Variants in NR3C2 observed in about 807,000 individuals in gnomAD.
The protein encoded by NR3C2 is mineralocorticoid receptor.
A neutral mutation model predicts 86.4 loss-of-function variants in NR3C2; 15 were observed. The ratio of observed to expected loss-of-function variants is 0.17; its 90% CI spans 0.12 to 0.27. The LOEUF (loss-of-function observed/expected upper bound fraction) is 0.27, where lower values mean the gene tolerates loss of function less well. Among genes scored for constraint, NR3C2 ranks in the 10% least tolerant of loss-of-function variants. The pLI, the probability that NR3C2 is intolerant of heterozygous loss-of-function variation, is 1.00. For missense variants in NR3C2, 960 were observed against 1,195.6 expected (o/e 0.80, Z 2.91); for synonymous variants, 458 against 450.5 (o/e 1.02, Z -0.21).
At chr4:148,220,370 G>A (rs879936819) in intron 3 of NR3C2, among the ~76,000 whole-genome samples, 15 of 152,152 alleles carry the variant, frequency 9.9e-5, no homozygotes, top group Admixed American at 3.3e-4. Context: ...TTACAGGTGT[G>A]AGCCACTGCA....
chr4:148,137,002 C>A (rs1180816552), intron 6 of NR3C2, among the ~76,000 whole-genome samples: 1 of 152,068 alleles, frequency 6.6e-6, no homozygotes, highest in African/African-American at 2.4e-5. Context: ...TACTGACTGG[C>A]GAAAGGCTGG....
chr4:148,181,330 T>C (rs1735634243), intron 4 of NR3C2, among the ~76,000 whole-genome samples: 1 of 152,170 alleles, frequency 6.6e-6, no homozygotes, highest in South Asian at 2.1e-4. Context: ...AGAGGACTAA[T>C]TAGGATCCTT....
intron 2 of NR3C2, among the ~76,000 whole-genome samples, chr4:148,340,621 A>G (rs1744705278): frequency 6.6e-6 from 1 of 152,162 alleles, no homozygotes; most frequent in African/African-American, 2.4e-5. Flanking sequence ...CAACAAAAGT[A>G]AAAATACACA....
Position 148,418,952 on chromosome 4 carries a change from G to A in NR3C2, c.1757+16152C>T, listed in dbSNP as rs372498011. Among the ~76,000 whole-genome samples the A allele has an allele frequency of 3.3e-5, 5 of 152,206 alleles. No homozygotes were observed. The East Asian group carries it at 9.7e-4, about 29-fold the overall frequency. On this transcript the variant is annotated intron_variant, in intron 2 of 8. Coordinates refer to ENST00000358102, the MANE Select transcript of NR3C2 (RefSeq NM_000901.5). ...TTCTCCCATTTACCAAGATTACTCTGACTCCTGATAATATCCTCCCTAGAG... is the reference window on the plus strand; with the variant it reads ...TTCTCCCATTTACCAAGATTACTCTAACTCCTGATAATATCCTCCCTAGAG...
chr4:148,437,011 G>T, intron 1 of NR3C2, 149 bp from the exon 2 acceptor site: 1 of 685,662 alleles, frequency 1.5e-6, no homozygotes, highest in Non-Finnish European at 2.5e-6. Flanking sequence ...TTACCTTTTT[G>T]GATGCTGACA....
At chr4:148,443,222 C>CAAAAAAAAAAAAAAA (rs59506438), upstream of NR3C2, among the ~76,000 whole-genome samples, 3 of 40,976 alleles carry the variant, frequency 7.3e-5, no homozygotes, top group African/African-American at 1.3e-4. Context: ...CCCCTAACAC[C>CAAAAAAAAAAAAAAA]AAAAAAAAAA....
At chr4:148,434,726 T>G (rs1405778828) in intron 2 of NR3C2, among the ~76,000 whole-genome samples, 5 of 152,080 alleles carry the variant, frequency 3.3e-5, no homozygotes, top group Admixed American at 6.5e-5. Flanking sequence ...ATAAACTAAC[T>G]TAAAGCAATT....
chr4:148,153,703 C>T (rs1734211092), intron 5 of NR3C2, among the ~76,000 whole-genome samples: 1 of 148,474 alleles, frequency 6.7e-6, no homozygotes, highest in Non-Finnish European at 1.5e-5. Context: ...TTAAGAGGGG[C>T]CTTATTAATT....
At chr4:148,262,759 G>A (rs962764541) in intron 2 of NR3C2, among the ~76,000 whole-genome samples, 1 of 152,152 alleles carries the variant, frequency 6.6e-6, no homozygotes, top group Non-Finnish European at 1.5e-5. Flanking sequence ...ACACCTGCAT[G>A]AGGAGAACAC....
intron 3 of NR3C2, among the ~76,000 whole-genome samples, chr4:148,225,757 T>C (rs1321767490): frequency 2.6e-5 from 4 of 152,246 alleles, no homozygotes; most frequent in African/African-American, 9.6e-5. Context: ...AAAAACCACA[T>C]TCCTAAGGAA....
intron 2 of NR3C2, among the ~76,000 whole-genome samples, chr4:148,325,417 A>C (rs1743912350): frequency 6.6e-6 from 1 of 152,160 alleles, no homozygotes; most frequent in Admixed American, 6.5e-5. Context: ...TCTTTTTTTA[A>C]TCTCTAGTAC....
At chr4:148,234,545 T>C (rs1738640815) in intron 3 of NR3C2, among the ~76,000 whole-genome samples, 1 of 151,996 alleles carries the variant, frequency 6.6e-6, no homozygotes, top group Non-Finnish European at 1.5e-5. Context: ...TAGCCAGGTA[T>C]GGTGGCATGC....
chr4:148,330,233 ACACGT>A (rs1312267748), intron 2 of NR3C2, among the ~76,000 whole-genome samples: 2 of 152,200 alleles, frequency 1.3e-5, no homozygotes, highest in Non-Finnish European at 2.9e-5. Context: ...GCCCCACAAT[ACACGT>A]CAGGTTGGAA....
At position 148,436,501 on chromosome 4, in the gene NR3C2, C is replaced by T; in HGVS notation, c.360G>A (p.Glu120=). ...TCATGCTTCCTTGTTGGTTCTGCTG[C>T]TCATAGGAATAGTCAGCATCTCTTA... ...DSVRDADYSY[E]QQNQQGSMSP... The change falls in exon 2 of 9, where the codon GAG becomes GAA. Residue 120 remains glutamate (E), a synonymous_variant. Coordinates refer to ENST00000358102, the MANE Select transcript of NR3C2 (RefSeq NM_000901.5). The T allele has an allele frequency of 6.2e-7, 1 of 1,614,194 alleles. No individual in the cohort carries two copies. The highest frequency in any genetic ancestry group is 1.1e-5 in the South Asian group (1 of 91,090).
At chr4:148,200,342 C>T (rs3910051) in intron 3 of NR3C2, among the ~76,000 whole-genome samples, 62,504 of 151,492 alleles carry the variant, frequency 0.41, 13,464 homozygotes, top group African/African-American at 0.52. Context: ...TCAAATGCCA[C>T]ATCCCCACCC....
intron 6 of NR3C2, among the ~76,000 whole-genome samples, chr4:148,135,551 C>G (rs565739782): frequency 6.6e-6 from 1 of 152,102 alleles, no homozygotes; most frequent in African/African-American, 2.4e-5. Context: ...CTAAGTCTCA[C>G]GTACTTTGCG....
rs191306449 is a variant in NR3C2, at chr4:148,144,872, T to G, written c.2510+7597A>C. Among the ~76,000 whole-genome samples, 300 of 152,304 alleles carry G rather than the reference T, an allele frequency of 2.0e-3. 1 individual carries two copies. The highest frequency in any genetic ancestry group is 7.0e-3 in the African/African-American group (289 of 41,570). On this transcript the variant is annotated intron_variant, in intron 6 of 8. Transcript: ENST00000358102. ...GTTGCTTTTCTTTATTCAAGAGTCTTGAGCTCCACTGTCTCCAAGGGCCAG... is the reference window on the plus strand; with the variant it reads ...GTTGCTTTTCTTTATTCAAGAGTCTGGAGCTCCACTGTCTCCAAGGGCCAG...
At chr4:148,112,960 A>G (rs1732109847) in intron 8 of NR3C2, among the ~76,000 whole-genome samples, 1 of 152,238 alleles carries the variant, frequency 6.6e-6, no homozygotes, top group Non-Finnish European at 1.5e-5. Context: ...TTGGGCAATA[A>G]ATTCTCCAAA....
intron 3 of NR3C2, among the ~76,000 whole-genome samples, chr4:148,233,398 T>A (rs1016781689): frequency 2.7e-5 from 4 of 146,422 alleles, no homozygotes; most frequent in Non-Finnish European, 6.0e-5. Flanking sequence ...CTCACTCTGT[T>A]GCCCAGACTG....
Sources: gnomAD v4.1 joint callset for allele counts (sites outside exome capture counted in the v4.1 genomes callset) on GRCh38, gnomAD v4.1.1 for gene constraint, MANE v1.5 for transcripts, NCBI Gene and HGNC (gene_info 2026-07-23, HGNC 2026-07-21) for gene names.